The following KARS1 variants were observed in gnomAD, a reference collection of about 807,000 sequenced individuals.
The protein encoded by KARS1 is lysine--tRNA ligase.
A neutral mutation model predicts 63.9 loss-of-function variants in KARS1; 50 were observed. That is an observed-to-expected ratio of 0.78 (90% CI 0.62 to 0.99). The LOEUF is 0.99. Among genes scored for constraint, KARS1 ranks in the 50% least tolerant of loss-of-function variants. The pLI is 0.00. For synonymous variants in KARS1, 320 were observed against 264.6 expected (o/e 1.21, Z -2.03); for missense variants, 816 against 754.5 (o/e 1.08, Z -0.95).
At chr16:75,630,783 C>T (rs879787753) in intron 10 of KARS1, among the ~76,000 whole-genome samples, 8 of 151,990 alleles carry the variant, frequency 5.3e-5, no homozygotes, top group Middle Eastern at 3.4e-3. Context: ...TACAGGTGCC[C>T]GCCACCATAC....
intron 1 of KARS1, 144 bp from the exon 2 acceptor site, chr16:75,641,867 T>G (rs2151810505): frequency 1.3e-6 from 1 of 785,622 alleles, no homozygotes; most frequent in Non-Finnish European, 2.2e-6. Flanking sequence ...CACCCACAGC[T>G]CAGCTCAAGT....
chr16:75,631,661 A>G, intron 8 of KARS1, 32 bp downstream of exon 8: 1 of 1,613,856 alleles, frequency 6.2e-7, no homozygotes, highest in Non-Finnish European at 8.5e-7. Flanking sequence ...CATACCAACC[A>G]CCCGATGAGT....
intron 6 of KARS1, among the ~76,000 whole-genome samples, chr16:75,635,058 A>C (rs1455836037): frequency 6.6e-6 from 1 of 152,278 alleles, no homozygotes; most frequent in Non-Finnish European, 1.5e-5. Flanking sequence ...TGCAGCATTA[A>C]GAAAGAGTAT....
intron 3 of KARS1, among the ~76,000 whole-genome samples, chr16:75,637,628 A>G (rs1246213885): frequency 2.0e-5 from 3 of 151,848 alleles, no homozygotes; most frequent in Non-Finnish European, 4.4e-5. Flanking sequence ...AAAAATACAG[A>G]ATTAGCCAGG....
At chr16:75,646,539 TAA>T (rs781087516) in intron 1 of KARS1, among the ~76,000 whole-genome samples, 13 of 137,102 alleles carry the variant, frequency 9.5e-5, no homozygotes, top group Admixed American at 7.3e-5. Flanking sequence ...GACTCCATCT[TAA>T]AAAAAAAAAA....
Position 75,630,448 on chromosome 16 carries a change from G to A in KARS1, c.1399C>T (p.Gln467Ter), listed in dbSNP as rs1378809772. The change falls in exon 11 of 14, where the codon CAG becomes TAG. Residue 467 changes from glutamine to a stop codon, truncating the protein, a stop_gained. Transcript: ENST00000302445. LOFTEE classifies it high-confidence loss of function. ...CATTTAGCCAAAGGGCTCATTATCT[G>A]TGGGTGATCACAGATGAATGTAGGA... ...INPTFICDHP[Q>*]IMSPLAKWHR... The A allele has an allele frequency of 6.2e-7, 1 of 1,609,658 alleles. No individual in the cohort carries two copies. Among genetic ancestry groups the A allele is most frequent in the Non-Finnish European group, 8.5e-7 (1 of 1,176,678 alleles).
chr16:75,632,035 G>C lies in KARS1; in HGVS notation c.916-180C>G, dbSNP rs58000098. 0.13 allele frequency among the ~76,000 whole-genome samples: 20,352 copies of C among 152,074 alleles called. 3,007 individuals are homozygous for C. Among genetic ancestry groups the C allele is most frequent in the African/African-American group, 0.37 (15,398 of 41,404 alleles). ...CCCTAGTAGCTGGGATTACAGGCATGTGCCACCACGCCTGGCTAATTTTTT... is the reference window on the plus strand; with the variant it reads ...CCCTAGTAGCTGGGATTACAGGCATCTGCCACCACGCCTGGCTAATTTTTT... On this transcript the variant is annotated intron_variant, in intron 7 of 13. Coordinates refer to ENST00000302445, the MANE Select transcript of KARS1 (RefSeq NM_005548.3).
chr16:75,642,185 CTTTTTTTTTTTTTTTTT>C (rs148991591), intron 1 of KARS1, among the ~76,000 whole-genome samples: 9,911 of 63,892 alleles, frequency 0.16, 962 homozygotes, highest in African/African-American at 0.29. Flanking sequence ...AGTGCCAGGT[CTTTTTTTTTTTTTTTTT>C]TTTTTTTTTT....
intron 3 of KARS1, among the ~76,000 whole-genome samples, chr16:75,637,625 C>G (rs2082176281): frequency 6.6e-6 from 1 of 151,600 alleles, no homozygotes; most frequent in African/African-American, 2.4e-5. Flanking sequence ...AAAAAAAATA[C>G]AGAATTAGCC....
At chr16:75,642,116 T>C (rs1304183722) in intron 1 of KARS1, among the ~76,000 whole-genome samples, 5 of 150,662 alleles carry the variant, frequency 3.3e-5, no homozygotes, top group African/African-American at 7.3e-5. Flanking sequence ...AGGGAGCTCC[T>C]TGAGGACAGT....
chr16:75,647,215 T>A (rs1478357422), intron 1 of KARS1, among the ~76,000 whole-genome samples: 1 of 152,226 alleles, frequency 6.6e-6, no homozygotes, highest in African/African-American at 2.4e-5. Flanking sequence ...AACTTCCACG[T>A]TTACTGAGTG....
At chr16:75,628,963 C>A (rs2082080798) in intron 12 of KARS1, 1 of 541,784 alleles carries the variant, frequency 1.8e-6, no homozygotes, top group Non-Finnish European at 3.3e-6. Flanking sequence ...CCTTCTGCTG[C>A]TTGGGGCTCT....
At chr16:75,634,075 C>G in intron 7 of KARS1, 98 bp downstream of exon 7, 5 of 1,336,572 alleles carry the variant, frequency 3.7e-6, no homozygotes, top group Non-Finnish European at 5.3e-6. Flanking sequence ...GGCTGCTTTA[C>G]TCTCTCTGTT....
Sources: allele counts gnomAD v4.1 joint callset (sites outside exome capture counted in the v4.1 genomes callset), GRCh38; gene constraint gnomAD v4.1.1; transcripts MANE v1.5; gene names NCBI Gene and HGNC (gene_info 2026-07-23, HGNC 2026-07-21).